EPHA6: variants seen among roughly 807,000 people sequenced by gnomAD.
EPHA6 encodes ephrin type-A receptor 6.
Under a neutral mutation model 112.0 loss-of-function variants are expected in EPHA6, and 50 were observed. The observed-to-expected ratio is 0.45, with a 90% CI of 0.36 to 0.56. EPHA6 has a LOEUF of 0.56. Ranked by LOEUF, EPHA6 falls within the 20% of genes least tolerant of loss-of-function variation. The pLI, the probability that EPHA6 is intolerant of heterozygous loss-of-function variation, is 0.00. For missense variants in EPHA6, 1,280 were observed against 1,417.4 expected (o/e 0.90, Z 1.56); for synonymous variants, 529 against 490.7 (o/e 1.08, Z -1.03).
At chr3:97,161,117 T>C (rs553301479) in intron 3 of EPHA6, among the ~76,000 whole-genome samples, 3 of 152,310 alleles carry the variant, frequency 2.0e-5, no homozygotes, top group African/African-American at 7.2e-5. Flanking sequence ...GTTGTTTGCA[T>C]GCCCAACTTT....
intron 14 of EPHA6, among the ~76,000 whole-genome samples, chr3:97,674,418 A>G (rs1173800606): frequency 2.0e-5 from 3 of 152,238 alleles, no homozygotes; most frequent in Non-Finnish European, 4.4e-5. Context: ...CTTGCCATAC[A>G]AAATAATTTT....
At chr3:97,364,344 G>GTTT (rs61089323) in intron 5 of EPHA6, among the ~76,000 whole-genome samples, 3 of 136,358 alleles carry the variant, frequency 2.2e-5, no homozygotes, top group Admixed American at 7.4e-5. Context: ...TGGAGTTTTA[G>GTTT]TTTTTTTTTT....
At chr3:97,413,447 C>T (rs544560717) in intron 6 of EPHA6, among the ~76,000 whole-genome samples, 7 of 151,792 alleles carry the variant, frequency 4.6e-5, no homozygotes, top group South Asian at 2.1e-4. Context: ...TCGTTACATT[C>T]GTGTGAGGCT....
intron 3 of EPHA6, among the ~76,000 whole-genome samples, chr3:97,129,590 A>T (rs547905332): frequency 1.3e-5 from 2 of 152,224 alleles, no homozygotes; most frequent in African/African-American, 4.8e-5. Context: ...GTTAAAAACA[A>T]TTTTTTCTGA....
chr3:97,354,252 C>T (rs192140741), intron 5 of EPHA6, among the ~76,000 whole-genome samples: 21 of 152,116 alleles, frequency 1.4e-4, no homozygotes, highest in Non-Finnish European at 2.5e-4. Flanking sequence ...CATCCACAAG[C>T]GTCAAGACCA....
At chr3:97,607,869 A>G (rs1419533920) in intron 12 of EPHA6, among the ~76,000 whole-genome samples, 1 of 151,218 alleles carries the variant, frequency 6.6e-6, no homozygotes, top group Non-Finnish European at 1.5e-5. Context: ...ATTTTTACGT[A>G]CTGGAAAAGA....
intron 11 of EPHA6, among the ~76,000 whole-genome samples, chr3:97,576,729 C>A (rs2093389468): frequency 6.6e-6 from 1 of 151,894 alleles, no homozygotes; most frequent in South Asian, 2.1e-4. Context: ...TTAGAGATGA[C>A]CCGTGGAATG....
At chr3:97,317,196 G>A (rs2081885087) in intron 5 of EPHA6, among the ~76,000 whole-genome samples, 1 of 151,686 alleles carries the variant, frequency 6.6e-6, no homozygotes, top group Non-Finnish European at 1.5e-5. Context: ...CCCTGTTATG[G>A]TTTTCTGCAG....
chr3:97,463,947 A>T (rs2090972114), intron 7 of EPHA6, among the ~76,000 whole-genome samples: 2 of 152,164 alleles, frequency 1.3e-5, no homozygotes. Flanking sequence ...GGAATGAAGA[A>T]ATGTCCCAGA....
intron 14 of EPHA6, among the ~76,000 whole-genome samples, chr3:97,707,480 G>A (rs537534631): frequency 9.6e-4 from 146 of 152,278 alleles, no homozygotes; most frequent in African/African-American, 3.1e-3. Context: ...TCATAAACCA[G>A]TAAGGATCTG....
At chr3:96,926,834 T>C (rs2040060792) in intron 2 of EPHA6, among the ~76,000 whole-genome samples, 1 of 152,198 alleles carries the variant, frequency 6.6e-6, no homozygotes, top group South Asian at 2.1e-4. Context: ...TCTGCAGCTT[T>C]TCTGGGTGCA....
chr3:97,455,369 T>C (rs1480484168), intron 7 of EPHA6, among the ~76,000 whole-genome samples: 1 of 152,064 alleles, frequency 6.6e-6, no homozygotes, highest in Admixed American at 6.6e-5. Flanking sequence ...TAAAGCATAA[T>C]GAAGTATAGT....
chr3:97,054,524 A>C (rs2045790257), intron 3 of EPHA6, among the ~76,000 whole-genome samples: 1 of 151,938 alleles, frequency 6.6e-6, no homozygotes, highest in South Asian at 2.1e-4. Flanking sequence ...GAATGGCATA[A>C]AATATGACAA....
chr3:97,082,737 C>G (rs573057239), intron 3 of EPHA6, among the ~76,000 whole-genome samples: 1 of 151,836 alleles, frequency 6.6e-6, no homozygotes, highest in Non-Finnish European at 1.5e-5. Flanking sequence ...AAAATACCCA[C>G]GAGTATTTAG....
chr3:97,536,156 C>T (rs2092760943), intron 11 of EPHA6, among the ~76,000 whole-genome samples: 1 of 152,054 alleles, frequency 6.6e-6, no homozygotes, highest in African/African-American at 2.4e-5. Context: ...GACTTGTAGC[C>T]ATTAATAGCA....
chr3:97,086,401 C>T (rs1576461901), intron 3 of EPHA6, among the ~76,000 whole-genome samples: 1 of 152,018 alleles, frequency 6.6e-6, no homozygotes, highest in East Asian at 1.9e-4. Context: ...CTTTACCGGA[C>T]TTACATTTAC....
At chr3:96,818,499 G>T (rs2032989178) in intron 1 of EPHA6, among the ~76,000 whole-genome samples, 1 of 151,908 alleles carries the variant, frequency 6.6e-6, no homozygotes, top group Non-Finnish European at 1.5e-5. Flanking sequence ...ACAATAGTGT[G>T]GCTGGTTGAT....
chr3:97,283,650 A>T (rs11927847), intron 5 of EPHA6, among the ~76,000 whole-genome samples: 4,275 of 152,192 alleles, frequency 0.028, 208 homozygotes, highest in African/African-American at 0.091. Context: ...ATAAATATGT[A>T]ATGCATTAGG....
intron 5 of EPHA6, among the ~76,000 whole-genome samples, chr3:97,310,071 CT>C (rs796354899): frequency 6.6e-5 from 10 of 151,478 alleles, no homozygotes; most frequent in African/African-American, 2.4e-4. Context: ...TTATATAACT[CT>C]TTTGGTTAAA....
Sources: allele counts gnomAD v4.1 joint callset (sites outside exome capture counted in the v4.1 genomes callset), GRCh38; gene constraint gnomAD v4.1.1; transcripts MANE v1.5; gene names NCBI Gene and HGNC (gene_info 2026-07-23, HGNC 2026-07-21).